Variants in VCF1 observed in about 807,000 individuals in gnomAD.
VCF1 encodes VCP nuclear cofactor family member 1, also known as protein VCF1.
the VCF1 span, among the ~76,000 whole-genome samples, chr17:73,217,885 T>C: frequency 6.6e-6 from 1 of 151,616 alleles, no homozygotes; most frequent in Non-Finnish European, 1.5e-5. Context: ...GGCAGGAGAA[T>C]TGCTTGAACC....
At chr17:73,230,438 TTGCTCAGGCTTGAGTGCAGTGATCTC>T in the VCF1 span, among the ~76,000 whole-genome samples, 1 of 152,090 alleles carries the variant, frequency 6.6e-6, no homozygotes, top group African/African-American at 2.4e-5. Context: ...TTCGCTCTTG[TTGCTCAGGCTTGAGTGCAGTGATCTC>T]CGCTCACTGC....
the VCF1 span, chr17:73,208,884 A>G: frequency 3.4e-6 from 1 of 296,776 alleles, no homozygotes; most frequent in Non-Finnish European, 6.5e-6. Flanking sequence ...ACAAGAATCT[A>G]AAAGACATTC....
the VCF1 span, chr17:73,232,205 C>CT: frequency 6.2e-7 from 1 of 1,610,998 alleles, no homozygotes; most frequent in South Asian, 1.1e-5. Context: ...CCCCTCGGGC[C>CT]TTGGCTCTCG....
the VCF1 span, chr17:73,208,907 C>T: frequency 3.5e-6 from 1 of 289,184 alleles, no homozygotes; most frequent in African/African-American, 2.2e-5. Context: ...TCTGGAAATA[C>T]AAATATATAA....
chr17:73,218,436 G>A, the VCF1 span, among the ~76,000 whole-genome samples: 3 of 152,100 alleles, frequency 2.0e-5, no homozygotes, highest in Non-Finnish European at 2.9e-5. Context: ...CACACAATGT[G>A]TTTAAAGTTC....
chr17:73,217,784 C>A, the VCF1 span, among the ~76,000 whole-genome samples: 4 of 151,972 alleles, frequency 2.6e-5, no homozygotes, highest in African/African-American at 9.7e-5. Flanking sequence ...CCAGCCTGGG[C>A]AACATGGTGA....
At chr17:73,222,027 C>A in the VCF1 span, among the ~76,000 whole-genome samples, 39 of 104,974 alleles carry the variant, frequency 3.7e-4, no homozygotes, top group African/African-American at 1.4e-3. Flanking sequence ...AAGAGCGAGA[C>A]TCTGTCTCAA....
the VCF1 span, chr17:73,232,344 C>A: frequency 3.3e-6 from 5 of 1,525,152 alleles, no homozygotes; most frequent in Non-Finnish European, 4.4e-6. Context: ...CGCGGCTGCG[C>A]AGTGGCACCA....
At chr17:73,229,251 C>T in the VCF1 span, 2 of 985,310 alleles carry the variant, frequency 2.0e-6, no homozygotes, top group Admixed American at 6.2e-5. Context: ...TCTTCATTTG[C>T]CTTTTTCTAG....
chr17:73,213,960 ACT>A, the VCF1 span, among the ~76,000 whole-genome samples: 278 of 152,154 alleles, frequency 1.8e-3, 1 homozygote, highest in Middle Eastern at 0.017. Flanking sequence ...ACAAAGTGAG[ACT>A]CTGTTTCAAA....
At chr17:73,220,468 G>A in the VCF1 span, among the ~76,000 whole-genome samples, 1 of 151,984 alleles carries the variant, frequency 6.6e-6, no homozygotes. Context: ...ATTTTGAGAT[G>A]GAGACTCGCT....
the VCF1 span, among the ~76,000 whole-genome samples, chr17:73,225,960 G>A: frequency 0.044 from 6,211 of 142,552 alleles, 151 homozygotes; most frequent in Middle Eastern, 0.076. Context: ...GGAGTAAAAC[G>A]GCACGATCTC....
At chr17:73,224,935 C>CAGGACAGCACAGCACAGCACAGGACAGG in the VCF1 span, among the ~76,000 whole-genome samples, 14 of 117,038 alleles carry the variant, frequency 1.2e-4, no homozygotes, top group African/African-American at 5.2e-4. Context: ...GACAGGACAG[C>CAGGACAGCACAGCACAGCACAGGACAGG]ACAGCACAGC....
the VCF1 span, among the ~76,000 whole-genome samples, chr17:73,221,149 G>C: frequency 6.7e-5 from 10 of 149,288 alleles, no homozygotes; most frequent in African/African-American, 2.3e-4. Flanking sequence ...TGCCCGCCTT[G>C]GCCTCCCAAA....
the VCF1 span, among the ~76,000 whole-genome samples, chr17:73,212,091 T>TTA: frequency 6.6e-6 from 1 of 152,198 alleles, no homozygotes; most frequent in African/African-American, 2.4e-5. Flanking sequence ...GATGGAAAGA[T>TTA]TATAGCTGCT....
chr17:73,229,817 G>A, the VCF1 span, among the ~76,000 whole-genome samples: 9 of 121,130 alleles, frequency 7.4e-5, no homozygotes, highest in Admixed American at 1.0e-3. Flanking sequence ...GCAGTGTGCC[G>A]AGATCGCACC....
At chr17:73,207,739 G>T in the VCF1 span, 1 of 1,291,618 alleles carries the variant, frequency 7.7e-7, no homozygotes. Flanking sequence ...AATCCTCCTG[G>T]GTATTTCTGA....
At chr17:73,232,139 C>G in the VCF1 span, 1 of 1,610,202 alleles carries the variant, frequency 6.2e-7, no homozygotes, top group Non-Finnish European at 8.5e-7. Context: ...TACGCGGCGC[C>G]GCTCCGCGAA....
At chr17:73,208,225 TGTGGACTCCGA>T in the VCF1 span, 4 of 1,604,676 alleles carry the variant, frequency 2.5e-6, no homozygotes, top group Non-Finnish European at 3.4e-6. Flanking sequence ...GTGTGTGCCG[TGTGGACTCCGA>T]GTGGCGTCGC....
Sources: gnomAD v4.1 joint callset for allele counts (sites outside exome capture counted in the v4.1 genomes callset) on GRCh38, gnomAD v4.1.1 for gene constraint, MANE v1.5 for transcripts, NCBI Gene and HGNC (gene_info 2026-07-23, HGNC 2026-07-21) for gene names.